Variants in NKAIN2 observed in about 807,000 individuals in gnomAD.
The protein encoded by NKAIN2 is sodium/potassium-transporting ATPase subunit beta-1-interacting protein 2.
NKAIN2 carries 14 observed loss-of-function variants against 32.6 expected under a neutral mutation model. The ratio of observed to expected loss-of-function variants is 0.43; its 90% CI spans 0.28 to 0.67. The LOEUF is 0.67. NKAIN2 is among the 30% of genes least tolerant of loss of function. The pLI is 0.17. For synonymous variants in NKAIN2, 80 were observed against 87.2 expected (o/e 0.92, Z 0.46); for missense variants, 198 against 258.3 (o/e 0.77, Z 1.60).
chr6:123,878,226 CA>C (rs72551956), intron 1 of NKAIN2, among the ~76,000 whole-genome samples: 7 of 149,276 alleles, frequency 4.7e-5, no homozygotes, highest in South Asian at 2.1e-4. Context: ...AACTCCATCT[CA>C]AAAAAAAAAA....
At position 124,452,194 on chromosome 6, in the gene NKAIN2, C is replaced by T. The variant is rs1258211451; in HGVS notation, c.273+96847C>T. On this transcript the variant is annotated intron_variant, in intron 3 of 6. Coordinates refer to ENST00000368417, the MANE Select transcript of NKAIN2 (RefSeq NM_001040214.3). ...TGGGTGACAGAGCAAGACATCATCT[C>T]GAAAAAAAAAAAAAAAACTGACGTA... Among the ~76,000 whole-genome samples the T allele has an allele frequency of 5.5e-4, 32 of 58,190 alleles. No homozygotes were observed. The Admixed American group carries it at 5.8e-3, about 10-fold the overall frequency. 38.2% of individuals were successfully genotyped at this position (58,190 alleles called of 152,430 possible).
chr6:123,932,406 C>CTTTTTTTTTTTTTT (rs57063550), intron 1 of NKAIN2, among the ~76,000 whole-genome samples: 27 of 104,438 alleles, frequency 2.6e-4, no homozygotes, highest in African/African-American at 9.2e-4. Context: ...TTCTGTCTTT[C>CTTTTTTTTTTTTTT]TTTTTTTTTT....
intron 3 of NKAIN2, among the ~76,000 whole-genome samples, chr6:124,397,116 A>G (rs1285353087): frequency 6.6e-6 from 1 of 152,068 alleles, no homozygotes; most frequent in Non-Finnish European, 1.5e-5. Context: ...TGATATAATT[A>G]TTTAATATAT....
chr6:124,448,851 G>C (rs1419293789), intron 3 of NKAIN2, among the ~76,000 whole-genome samples: 3 of 152,076 alleles, frequency 2.0e-5, no homozygotes, highest in African/African-American at 7.2e-5. Context: ...TAAATTATCA[G>C]TTCCTGTTCC....
At chr6:123,909,749 T>C (rs1208261539) in intron 1 of NKAIN2, among the ~76,000 whole-genome samples, 1 of 152,138 alleles carries the variant, frequency 6.6e-6, no homozygotes, top group African/African-American at 2.4e-5. Context: ...ATGATTCTTA[T>C]CACAGAGTAC....
chr6:124,498,671 GTCT>G (rs1778163949), intron 3 of NKAIN2, among the ~76,000 whole-genome samples: 1 of 151,972 alleles, frequency 6.6e-6, no homozygotes, highest in Admixed American at 6.6e-5. Context: ...AAGAAAATGT[GTCT>G]TCTTGGTGAA....
chr6:124,108,093 C>T (rs1785200803), intron 1 of NKAIN2, among the ~76,000 whole-genome samples: 1 of 152,032 alleles, frequency 6.6e-6, no homozygotes, highest in South Asian at 2.1e-4. Flanking sequence ...CAAGGAACCC[C>T]CACACTGTTT....
intron 3 of NKAIN2, among the ~76,000 whole-genome samples, chr6:124,503,739 A>G (rs1778378672): frequency 2.0e-5 from 3 of 152,170 alleles, no homozygotes; most frequent in Admixed American, 2.0e-4. Context: ...GTTATTGCCA[A>G]TGAGCATTTT....
At chr6:124,596,663 GGTGTGTGTGTGTGTGTGTGT>G (rs9321001) in intron 3 of NKAIN2, among the ~76,000 whole-genome samples, 2 of 142,512 alleles carry the variant, frequency 1.4e-5, no homozygotes, top group Non-Finnish European at 3.1e-5. Context: ...TAAACCATAG[GGTGTGTGTGTGTGTGTGTGT>G]GTGTGTGTGT....
chr6:124,418,144 T>C (rs1372428447), intron 3 of NKAIN2, among the ~76,000 whole-genome samples: 2 of 151,708 alleles, frequency 1.3e-5, no homozygotes, highest in Non-Finnish European at 2.9e-5. Flanking sequence ...TTATGAACAA[T>C]GTCCCTGTGT....
rs566296314 is a variant in NKAIN2 at position 123,974,656 on chromosome 6, T to C, written c.54+170402T>C. 3.3e-4 allele frequency among the ~76,000 whole-genome samples: 51 copies of C among 152,286 alleles called. 1 individual carries two copies. The South Asian group carries it at 8.7e-3, about 26-fold the overall frequency. The stretch of plus-strand genomic sequence containing the variant: ...ACCATTGAATTGAAGAATGTGCTTT[T>C]CAGAGTAATAAGTTCTTACCATAGA... On this transcript the variant is annotated intron_variant, in intron 1 of 6. Transcript: ENST00000368417.
intron 4 of NKAIN2, among the ~76,000 whole-genome samples, chr6:124,697,148 G>A (rs763865242): frequency 7.9e-5 from 12 of 152,210 alleles, no homozygotes; most frequent in African/African-American, 2.9e-4. Context: ...AAGGGTCTAA[G>A]AGTCAGAACA....
chr6:124,621,346 G>C (rs933614785), intron 3 of NKAIN2, among the ~76,000 whole-genome samples: 3 of 152,190 alleles, frequency 2.0e-5, no homozygotes, highest in Admixed American at 6.5e-5. Flanking sequence ...AACTGTCTTG[G>C]ACAAAATGTA....
At chr6:124,416,609 A>T (rs1015085893) in intron 3 of NKAIN2, among the ~76,000 whole-genome samples, 3 of 152,186 alleles carry the variant, frequency 2.0e-5, no homozygotes, top group Admixed American at 2.0e-4. Context: ...ACTGCACTCT[A>T]GCCTGGGTGA....
At chr6:124,807,859 T>C (rs1780664811) in intron 5 of NKAIN2, among the ~76,000 whole-genome samples, 1 of 150,840 alleles carries the variant, frequency 6.6e-6, no homozygotes, top group African/African-American at 2.4e-5. Context: ...CAAACACCTG[T>C]ACACAAATAA....
intron 4 of NKAIN2, among the ~76,000 whole-genome samples, chr6:124,693,688 G>A (rs1391262414): frequency 6.6e-6 from 1 of 152,170 alleles, no homozygotes; most frequent in Non-Finnish European, 1.5e-5. Flanking sequence ...AGAAGGGAAA[G>A]GGCAGGCATT....
At chr6:124,112,198 C>A (rs1381171946) in intron 1 of NKAIN2, among the ~76,000 whole-genome samples, 1 of 152,066 alleles carries the variant, frequency 6.6e-6, no homozygotes, top group Non-Finnish European at 1.5e-5. Context: ...AATGCCTTTT[C>A]ATTTTGAATT....
chr6:124,716,164 T>C (rs1319340297), intron 4 of NKAIN2, among the ~76,000 whole-genome samples: 1 of 152,232 alleles, frequency 6.6e-6, no homozygotes, highest in Non-Finnish European at 1.5e-5. Flanking sequence ...CTCATCTTGC[T>C]TTGTGACCAG....
intron 1 of NKAIN2, among the ~76,000 whole-genome samples, chr6:123,984,052 C>T (rs1562292362): frequency 6.6e-6 from 1 of 152,120 alleles, no homozygotes; most frequent in Non-Finnish European, 1.5e-5. Context: ...GGGTTACAGG[C>T]ATGTGCCACC....
Sources: allele counts gnomAD v4.1 joint callset (sites outside exome capture counted in the v4.1 genomes callset), GRCh38; gene constraint gnomAD v4.1.1; transcripts MANE v1.5; gene names NCBI Gene and HGNC (gene_info 2026-07-23, HGNC 2026-07-21).